The following RASSF8 variants were observed in gnomAD, a reference collection of about 807,000 sequenced individuals.
The protein encoded by RASSF8 is Ras association domain family member 8, also known as ras association domain-containing protein 8.
RASSF8 carries 22 observed loss-of-function variants against 48.5 expected under a neutral mutation model. The observed-to-expected ratio is 0.45, with a 90% CI of 0.32 to 0.65. The LOEUF (loss-of-function observed/expected upper bound fraction) is 0.65. Among genes scored for constraint, RASSF8 ranks in the 30% least tolerant of loss-of-function variants. The pLI is 0.03. For synonymous variants in RASSF8, 127 were observed against 171.5 expected (o/e 0.74, Z 2.03); for missense variants, 418 against 489.2 (o/e 0.85, Z 1.37).
chr12:26,017,295 C>T (rs543219480), intron 2 of RASSF8, among the ~76,000 whole-genome samples: 1 of 152,184 alleles, frequency 6.6e-6, no homozygotes, highest in South Asian at 2.1e-4. Context: ...AGAGAAACTG[C>T]ATGATAATTT....
At chr12:26,061,834 T>TA (rs1175870774) in intron 3 of RASSF8, among the ~76,000 whole-genome samples, 18 of 152,128 alleles carry the variant, frequency 1.2e-4, no homozygotes, top group Admixed American at 1.1e-3. Flanking sequence ...TTGCCTTTTT[T>TA]AAAAAAAGCT....
chr12:26,054,176 C>T (rs1483881684), intron 2 of RASSF8, among the ~76,000 whole-genome samples: 1 of 152,012 alleles, frequency 6.6e-6, no homozygotes, highest in Non-Finnish European at 1.5e-5. Flanking sequence ...GACCACAAAA[C>T]AATGGACAAA....
intron 2 of RASSF8, among the ~76,000 whole-genome samples, chr12:26,034,455 ATGT>A (rs1377899965): frequency 3.9e-5 from 6 of 151,940 alleles, no homozygotes; most frequent in Non-Finnish European, 5.9e-5. Context: ...TTATGCATTT[ATGT>A]TGGGCCGCAT....
At chr12:26,027,948 C>A (rs557118832) in intron 2 of RASSF8, among the ~76,000 whole-genome samples, 2 of 152,108 alleles carry the variant, frequency 1.3e-5, no homozygotes, top group African/African-American at 4.8e-5. Context: ...AAAGGAGTGG[C>A]TGTGAGGAAC....
chr12:25,964,426 A>G (rs1035412394), intron 1 of RASSF8, among the ~76,000 whole-genome samples: 1 of 152,178 alleles, frequency 6.6e-6, no homozygotes, highest in Admixed American at 6.5e-5. Flanking sequence ...TTTAAAAAGA[A>G]ATCAGATGTA....
intron 2 of RASSF8, among the ~76,000 whole-genome samples, chr12:26,045,349 C>T (rs1456984741): frequency 1.3e-5 from 2 of 152,094 alleles, no homozygotes; most frequent in Non-Finnish European, 2.9e-5. Flanking sequence ...CTGCTGTGCT[C>T]ATTAAATTTT....
Position 26,055,437 on chromosome 12 carries a change from C to T in RASSF8, c.94C>T (p.Gln32Ter), listed in dbSNP as rs1303539035. ...TCQEVVIALA[Q>*]AIGRTGRYTL... ...CCAGGAGGTTGTCATAGCCTTAGCT[C>T]AAGCAATAGGTGAGTGAACTCTGTG... The change falls in exon 3 of 6, where the codon CAA (glutamine) becomes TAA (stop). Residue 32 changes from glutamine (Q) to a stop codon, truncating the protein, a stop_gained. Coordinates refer to ENST00000689635, the MANE Select transcript of RASSF8 (RefSeq NM_001394098.1). LOFTEE classifies it high-confidence loss of function. 1 of 1,612,986 alleles carries T rather than the reference C, an allele frequency of 6.2e-7. No homozygotes were observed. Among genetic ancestry groups the T allele is most frequent in the Non-Finnish European group, 8.5e-7 (1 of 1,179,090 alleles).
chr12:26,027,194 G>C (rs1205551125), intron 2 of RASSF8, among the ~76,000 whole-genome samples: 2 of 152,204 alleles, frequency 1.3e-5, no homozygotes, highest in African/African-American at 4.8e-5. Context: ...GGATTTGATG[G>C]GAAATGGGCA....
chr12:26,047,186 A>T (rs1282302974), intron 2 of RASSF8, among the ~76,000 whole-genome samples: 1 of 152,156 alleles, frequency 6.6e-6, no homozygotes, highest in Admixed American at 6.5e-5. Flanking sequence ...GTTCCTTTTT[A>T]TAATACTGCA....
downstream of RASSF8, among the ~76,000 whole-genome samples, chr12:26,076,758 A>C (rs1944076213): frequency 6.6e-6 from 1 of 152,244 alleles, no homozygotes; most frequent in South Asian, 2.1e-4. Context: ...AGCATGATTT[A>C]TAATCCTTTG....
intron 1 of RASSF8, among the ~76,000 whole-genome samples, chr12:25,990,156 A>G (rs748780072): frequency 2.0e-5 from 3 of 152,160 alleles, no homozygotes; most frequent in South Asian, 2.1e-4. Context: ...AACCTGTATA[A>G]TGGGAATATT....
chr12:26,027,408 A>T (rs936652858), intron 2 of RASSF8, among the ~76,000 whole-genome samples: 1 of 152,226 alleles, frequency 6.6e-6, no homozygotes, highest in Non-Finnish European at 1.5e-5. Flanking sequence ...ATAATTCACC[A>T]TGGGTATGAT....
chr12:25,976,929 A>AATT (rs1382030935), intron 1 of RASSF8, among the ~76,000 whole-genome samples: 1 of 152,118 alleles, frequency 6.6e-6, no homozygotes, highest in African/African-American at 2.4e-5. Flanking sequence ...TTTAGCCTAT[A>AATT]ATTCTAAGAC....
intron 1 of RASSF8, among the ~76,000 whole-genome samples, chr12:25,965,052 C>T (rs909973831): frequency 6.6e-6 from 1 of 151,946 alleles, no homozygotes; most frequent in African/African-American, 2.4e-5. Flanking sequence ...ATGCCATTCT[C>T]CCGCCTCAGC....
At chr12:25,996,937 C>A (rs1942148051) in intron 2 of RASSF8, among the ~76,000 whole-genome samples, 1 of 152,120 alleles carries the variant, frequency 6.6e-6, no homozygotes, top group Non-Finnish European at 1.5e-5. Flanking sequence ...CTCAGTATTG[C>A]TACACTGTAA....
chr12:26,004,571 ATATGTAT>A (rs1942340610), intron 2 of RASSF8, among the ~76,000 whole-genome samples: 1 of 152,228 alleles, frequency 6.6e-6, no homozygotes, highest in South Asian at 2.1e-4. Context: ...TTTGTATGTT[ATATGTAT>A]TATATACTGT....
At chr12:25,987,698 C>T (rs1292116815) in intron 1 of RASSF8, among the ~76,000 whole-genome samples, 1 of 152,140 alleles carries the variant, frequency 6.6e-6, no homozygotes, top group Non-Finnish European at 1.5e-5. Flanking sequence ...AACATGCCAA[C>T]ACATTGTATT....
chr12:25,995,799 T>C (rs1325036554), intron 2 of RASSF8, among the ~76,000 whole-genome samples: 4 of 152,206 alleles, frequency 2.6e-5, no homozygotes, highest in Non-Finnish European at 5.9e-5. Flanking sequence ...TTGACCTTGT[T>C]TGTAGTAGGT....
At chr12:25,988,803 T>C (rs1941947868) in intron 1 of RASSF8, among the ~76,000 whole-genome samples, 1 of 152,184 alleles carries the variant, frequency 6.6e-6, no homozygotes, top group African/African-American at 2.4e-5. Context: ...TTCCATGGTA[T>C]GGTAGGGAAA....
Sources: gnomAD v4.1 joint callset for allele counts (sites outside exome capture counted in the v4.1 genomes callset) on GRCh38, gnomAD v4.1.1 for gene constraint, MANE v1.5 for transcripts, NCBI Gene and HGNC (gene_info 2026-07-23, HGNC 2026-07-21) for gene names.